MIR2052HG: variants seen among roughly 807,000 people sequenced by gnomAD.
MIR2052HG encodes MIR2052 host gene.
chr8:74,632,475 A>G (rs770007204), intron 2 of MIR2052HG: 12 of 151,998 alleles, frequency 7.9e-5, no homozygotes, highest in Non-Finnish European at 1.2e-4. Context: ...TTATTTTCCA[A>G]ATCTTCTCTG....
chr8:74,707,136 A>C (rs1211379792), intron 4 of MIR2052HG, among the ~76,000 whole-genome samples: 2 of 152,102 alleles, frequency 1.3e-5, no homozygotes, highest in South Asian at 2.1e-4. Context: ...TGTGAGTTAA[A>C]ATTCCCTCCC....
intron 2 of MIR2052HG, among the ~76,000 whole-genome samples, chr8:74,691,028 G>A (rs192035555): frequency 1.1e-3 from 163 of 152,208 alleles, no homozygotes; most frequent in African/African-American, 3.7e-3. Context: ...GGTCGAGAAC[G>A]TAAAAAATTC....
chr8:74,604,583 CTTT>C (rs35641908), intron 1 of MIR2052HG, among the ~76,000 whole-genome samples: 3 of 50,036 alleles, frequency 6.0e-5, no homozygotes, highest in Non-Finnish European at 1.1e-4. Flanking sequence ...TGTTTCTTTA[CTTT>C]TTTTTTTTTT....
intron 4 of MIR2052HG, among the ~76,000 whole-genome samples, chr8:74,720,101 G>A (rs931722016): frequency 6.6e-6 from 1 of 151,868 alleles, no homozygotes; most frequent in South Asian, 2.1e-4. Context: ...CCCCCGCCTC[G>A]GCCTCCCAAA....
chr8:74,710,670 A>G (rs1586920476), intron 4 of MIR2052HG, among the ~76,000 whole-genome samples: 1 of 152,190 alleles, frequency 6.6e-6, no homozygotes, highest in Admixed American at 6.5e-5. Context: ...GAAGTTTTAC[A>G]TAGTGGAGAC....
At chr8:74,729,831 CATTAA>C (rs1339067330) in intron 4 of MIR2052HG, among the ~76,000 whole-genome samples, 1 of 152,016 alleles carries the variant, frequency 6.6e-6, no homozygotes, top group Non-Finnish European at 1.5e-5. Flanking sequence ...ATCATAGTGT[CATTAA>C]ATTAAATTCT....
chr8:74,709,847 T>G (rs926166735), intron 4 of MIR2052HG, among the ~76,000 whole-genome samples: 1 of 152,202 alleles, frequency 6.6e-6, no homozygotes, highest in African/African-American at 2.4e-5. Context: ...GAGTGAGTGA[T>G]ATTTCAGAAC....
intron 1 of MIR2052HG, among the ~76,000 whole-genome samples, chr8:74,602,845 C>CTTTCTTTCTTTCTTTCTTTCTTTCT (rs1563508593): frequency 1.8e-4 from 25 of 141,710 alleles, no homozygotes; most frequent in South Asian, 4.4e-4. Flanking sequence ...TTCTTTCTTT[C>CTTTCTTTCTTTCTTTCTTTCTTTCT]TTTCTTTCTT....
At chr8:74,644,037 T>C (rs997324835) in intron 2 of MIR2052HG, among the ~76,000 whole-genome samples, 1 of 152,226 alleles carries the variant, frequency 6.6e-6, no homozygotes, top group African/African-American at 2.4e-5. Context: ...GTTGTTTTCC[T>C]GCATAAATAT....
chr8:74,642,334 C>T (rs913836806), intron 2 of MIR2052HG, among the ~76,000 whole-genome samples: 10 of 152,018 alleles, frequency 6.6e-5, no homozygotes, highest in Admixed American at 1.3e-4. Context: ...TTATAGGAAG[C>T]TTGCTTTATA....
At position 74,712,687 on chromosome 8, in the gene MIR2052HG, T is replaced by C. The variant is rs114580135; in HGVS notation, n.371+9005T>C. Among the ~76,000 whole-genome samples the C allele has an allele frequency of 4.3e-3, 607 of 140,176 alleles. 5 individuals are homozygous for C. The highest frequency in any genetic ancestry group is 0.016 in the African/African-American group (570 of 35,764). 92.0% of individuals were successfully genotyped at this position (140,176 alleles called of 152,430 possible). A position where few individuals can be genotyped will look rare whatever the true frequency, so the allele number is the denominator to read the frequency against. On this transcript the variant is annotated intron_variant and non_coding_transcript_variant, in intron 4 of 6. Coordinates refer to ENST00000523442, the Ensembl canonical transcript of MIR2052HG. ...GGTTGGCCTCAGATTCAAGACTCTT[T>C]AGCTTTTTCTGCCTTTTTTTTTTTT...
intron 2 of MIR2052HG, among the ~76,000 whole-genome samples, chr8:74,621,631 G>GA (rs1277222598): frequency 1.3e-5 from 2 of 152,126 alleles, no homozygotes; most frequent in Non-Finnish European, 2.9e-5. Flanking sequence ...CAGCATGGGG[G>GA]AAACAGCCAC....
intron 4 of MIR2052HG, among the ~76,000 whole-genome samples, chr8:74,744,204 C>T (rs926633080): frequency 6.6e-6 from 1 of 151,876 alleles, no homozygotes; most frequent in African/African-American, 2.4e-5. Flanking sequence ...TTTATGTCAC[C>T]AGTGTCTATC....
intron 2 of MIR2052HG, among the ~76,000 whole-genome samples, chr8:74,677,857 A>G (rs1347560594): frequency 2.0e-5 from 3 of 152,168 alleles, no homozygotes; most frequent in Non-Finnish European, 4.4e-5. Flanking sequence ...CAAGGGCAAA[A>G]GTGGTTTCTC....
At chr8:74,621,890 A>G (rs915480101) in intron 2 of MIR2052HG, among the ~76,000 whole-genome samples, 1 of 152,240 alleles carries the variant, frequency 6.6e-6, no homozygotes, top group African/African-American at 2.4e-5. Flanking sequence ...ACCATGTACA[A>G]AAACCAACTC....
At chr8:74,753,450 A>G (rs1010802670) in intron 5 of MIR2052HG, among the ~76,000 whole-genome samples, 1 of 152,234 alleles carries the variant, frequency 6.6e-6, no homozygotes, top group African/African-American at 2.4e-5. Context: ...TGATTCTCCA[A>G]TTCCATACTA....
intron 2 of MIR2052HG, among the ~76,000 whole-genome samples, chr8:74,625,618 A>T (rs1156771422): frequency 8.5e-5 from 13 of 152,328 alleles, no homozygotes; most frequent in Admixed American, 7.8e-4. Flanking sequence ...TATTTCAGTG[A>T]TTATCTGTCC....
intron 2 of MIR2052HG, among the ~76,000 whole-genome samples, chr8:74,680,350 T>G (rs768307538): frequency 1.3e-5 from 2 of 151,632 alleles, no homozygotes; most frequent in African/African-American, 4.9e-5. Flanking sequence ...CACAATGAAC[T>G]CAAACAAATT....
chr8:74,652,488 A>G (rs1024114115), intron 2 of MIR2052HG, among the ~76,000 whole-genome samples: 5 of 152,162 alleles, frequency 3.3e-5, no homozygotes, highest in Non-Finnish European at 7.3e-5. Context: ...CTAATTTATT[A>G]CCTCAAATTA....
Sources: gnomAD v4.1 joint callset for allele counts (sites outside exome capture counted in the v4.1 genomes callset) on GRCh38, gnomAD v4.1.1 for gene constraint, MANE v1.5 for transcripts, NCBI Gene and HGNC (gene_info 2026-07-23, HGNC 2026-07-21) for gene names.